Variants in C4BPA observed in about 807,000 individuals in gnomAD.
C4BPA encodes C4b-binding protein alpha chain.
A neutral mutation model predicts 63.7 loss-of-function variants in C4BPA; 31 were observed. The observed-to-expected ratio is 0.49, with a 90% CI of 0.37 to 0.66. The LOEUF (loss-of-function observed/expected upper bound fraction) is 0.66. Ranked by LOEUF, C4BPA falls within the 30% of genes least tolerant of loss-of-function variation. The pLI, the probability that C4BPA is intolerant of heterozygous loss-of-function variation, is 0.00. For synonymous variants in C4BPA, 259 were observed against 254.7 expected, an observed-to-expected ratio of 1.02 and a Z score of -0.16; for missense variants, 572 against 723.3, an observed-to-expected ratio of 0.79 and a Z score of 2.40.
At chr1:207,109,022 G>A (rs1180038808) in intron 1 of C4BPA, among the ~76,000 whole-genome samples, 1 of 152,168 alleles carries the variant, frequency 6.6e-6, no homozygotes, top group Non-Finnish European at 1.5e-5. Context: ...CGTCTGACCT[G>A]TGGGTGATTC....
At chr1:207,121,638 T>C (rs949919245) in intron 4 of C4BPA, among the ~76,000 whole-genome samples, 4 of 152,110 alleles carry the variant, frequency 2.6e-5, no homozygotes, top group African/African-American at 9.6e-5. Context: ...TATTATTTCA[T>C]ATTTTGTTAT....
chr1:207,126,187 T>A (rs775018198), intron 6 of C4BPA, among the ~76,000 whole-genome samples: 12 of 151,646 alleles, frequency 7.9e-5, no homozygotes, highest in Non-Finnish European at 1.6e-4. Flanking sequence ...GAAGGACCAA[T>A]GTAATGAAAA....
chr1:207,105,984 A>C (rs1484763247), intron 1 of C4BPA, among the ~76,000 whole-genome samples: 1 of 152,244 alleles, frequency 6.6e-6, no homozygotes, highest in African/African-American at 2.4e-5. Flanking sequence ...TTCAGTGAGC[A>C]GTTACAGAAT....
chr1:207,126,952 G>T (rs1572788475), intron 7 of C4BPA, 57 bp downstream of exon 7: 1 of 1,263,954 alleles, frequency 7.9e-7, no homozygotes, highest in Admixed American at 1.9e-5. Context: ...ACCCCGTACT[G>T]TTAATACGGG....
intron 4 of C4BPA, among the ~76,000 whole-genome samples, chr1:207,122,543 C>G (rs7545083): frequency 6.6e-6 from 1 of 151,938 alleles, no homozygotes. Context: ...TGTAGATTGA[C>G]GTATTGTTTT....
intron 7 of C4BPA, among the ~76,000 whole-genome samples, chr1:207,129,988 T>C (rs1478359727): frequency 6.6e-6 from 1 of 152,194 alleles, no homozygotes; most frequent in African/African-American, 2.4e-5. Flanking sequence ...TATTGTCAAA[T>C]ATATTGCATT....
chr1:207,142,874 T>G (rs1014230854), intron 10 of C4BPA, among the ~76,000 whole-genome samples: 1 of 152,062 alleles, frequency 6.6e-6, no homozygotes, highest in African/African-American at 2.4e-5. Context: ...AGGAACACTT[T>G]TACACTGTTG....
chr1:207,106,516 T>G (rs1218541143), intron 1 of C4BPA, among the ~76,000 whole-genome samples: 1 of 150,426 alleles, frequency 6.6e-6, no homozygotes, highest in Non-Finnish European at 1.5e-5. Flanking sequence ...CTCTGCTCAC[T>G]GCAAGCTCCG....
At chr1:207,136,714 G>T (rs1490112055) in intron 9 of C4BPA, among the ~76,000 whole-genome samples, 1 of 152,166 alleles carries the variant, frequency 6.6e-6, no homozygotes. Flanking sequence ...AAAATATGCT[G>T]AATTGGTATG....
At chr1:207,127,533 C>T (rs1391140532) in intron 7 of C4BPA, 1 of 152,148 alleles carries the variant, frequency 6.6e-6, no homozygotes, top group Non-Finnish European at 1.5e-5. Flanking sequence ...GGTTATACAA[C>T]TGGTAAGAGA....
At chr1:207,106,457 T>TTTTTTTTTTTTTTTTTTTTTTTTTTTTG (rs905722793) in intron 1 of C4BPA, among the ~76,000 whole-genome samples, 1 of 129,570 alleles carries the variant, frequency 7.7e-6, no homozygotes, top group African/African-American at 3.3e-5. Context: ...TTTTTTTTTT[T>TTTTTTTTTTTTTTTTTTTTTTTTTTTTG]GAAACGGAGT....
rs537563222 is a variant in C4BPA at position 207,134,541 on chromosome 1, A to G, written c.1222A>G (p.Ile408Val). The G allele has an allele frequency of 9.9e-6, 16 of 1,614,030 alleles. No individual in the cohort carries two copies. In the South Asian group the frequency reaches 1.5e-4, roughly 16 times the overall value. The change falls in exon 9 of 12, where the codon ATA becomes GTA. Residue 408 changes from isoleucine to valine, a missense_variant. Ile to Val is a conservative substitution (Grantham distance 29). Coordinates refer to ENST00000367070, the MANE Select transcript of C4BPA (RefSeq NM_000715.4). ...SCHETSRFSA[I>V]CQGDGTWSPR... ...TCATGAGACCAGTAGGTTTTCAGCTATATGCCAAGGAGATGGCACGTGGAG... is the reference window on the plus strand; with the variant it reads ...TCATGAGACCAGTAGGTTTTCAGCTGTATGCCAAGGAGATGGCACGTGGAG...
At chr1:207,139,222 C>G (rs976544445) in intron 9 of C4BPA, among the ~76,000 whole-genome samples, 1 of 152,196 alleles carries the variant, frequency 6.6e-6, no homozygotes, top group African/African-American at 2.4e-5. Flanking sequence ...AGCAAAGATA[C>G]CACATCTGGT....
chr1:207,128,498 ATATT>A (rs1432380893), intron 7 of C4BPA, among the ~76,000 whole-genome samples: 34 of 152,224 alleles, frequency 2.2e-4, no homozygotes, highest in African/African-American at 7.5e-4. Context: ...ACTGTGAAGC[ATATT>A]ATGCCCCAGG....
At chr1:207,112,848 T>C (rs1684697859) in intron 1 of C4BPA, 153 bp from the exon 2 acceptor site, 3 of 628,736 alleles carry the variant, frequency 4.8e-6, no homozygotes, top group Non-Finnish European at 7.8e-6. Flanking sequence ...CTTACTGTCT[T>C]GTGCTGTAAC....
intron 9 of C4BPA, among the ~76,000 whole-genome samples, chr1:207,135,270 G>A (rs552879208): frequency 3.3e-5 from 5 of 152,082 alleles, no homozygotes; most frequent in South Asian, 4.1e-4. Context: ...CTCGGGAGGC[G>A]GAGGTTGCAG....
chr1:207,116,819 A>G (rs940340080), intron 4 of C4BPA, among the ~76,000 whole-genome samples: 2 of 152,098 alleles, frequency 1.3e-5, no homozygotes, highest in African/African-American at 4.8e-5. Flanking sequence ...ATTTTAGACT[A>G]TATCTTTTCA....
chr1:207,125,681 A>T (rs764881098), intron 6 of C4BPA, among the ~76,000 whole-genome samples: 2 of 152,172 alleles, frequency 1.3e-5, no homozygotes, highest in African/African-American at 4.8e-5. Context: ...CAGACATTGA[A>T]TCTGATGGTG....
intron 9 of C4BPA, among the ~76,000 whole-genome samples, chr1:207,139,896 T>A (rs1685376582): frequency 6.6e-6 from 1 of 152,192 alleles, no homozygotes; most frequent in Non-Finnish European, 1.5e-5. Flanking sequence ...GGGCAAAGGA[T>A]TGTGACTTTT....
Sources: allele counts gnomAD v4.1 joint callset (sites outside exome capture counted in the v4.1 genomes callset), GRCh38; gene constraint gnomAD v4.1.1; transcripts MANE v1.5; gene names NCBI Gene and HGNC (gene_info 2026-07-23, HGNC 2026-07-21).